MCUR1: variants seen among roughly 807,000 people sequenced by gnomAD.
MCUR1 encodes the protein mitochondrial calcium uniporter regulator 1.
A neutral mutation model predicts 42.0 loss-of-function variants in MCUR1; 37 were observed. That is an observed-to-expected ratio of 0.88 (90% CI 0.68 to 1.16). MCUR1 has a LOEUF of 1.16. Among genes scored for constraint, MCUR1 ranks in the 50% most tolerant of loss-of-function variants. The pLI, the probability that MCUR1 is intolerant of heterozygous loss-of-function variation, is 0.00. For synonymous variants in MCUR1, 229 were observed against 196.2 expected (o/e 1.17, Z -1.40); for missense variants, 469 against 468.4 (o/e 1.00, Z -0.01).
Position 13,787,511 on chromosome 6 carries a change from C to T in MCUR1, c.*3298G>A. 1 of 152,206 alleles carries T rather than the reference C, an allele frequency of 6.6e-6. No homozygotes were observed. 9.4% of individuals were successfully genotyped at this position (152,206 alleles called of 1,614,324 possible). On this transcript the variant is annotated 3_prime_UTR_variant, in exon 9 of 9. Coordinates refer to ENST00000379170, the MANE Select transcript of MCUR1 (RefSeq NM_001031713.4). ...TTTGCTTATTAATGTAGCAGGAGAG[C>T]ATGGAAATCGGAGTTCAGACTCTTT...
At position 13,788,801 on chromosome 6, in the gene MCUR1, A is replaced by C. The variant is rs999852461; in HGVS notation, c.*2008T>G. 3 of 152,204 alleles carry C rather than the reference A, an allele frequency of 2.0e-5. No individual in the cohort carries two copies. Among genetic ancestry groups the C allele is most frequent in the Non-Finnish European group, 2.9e-5 (2 of 68,044 alleles). The allele number at this position is 152,204 out of a possible 1,614,324, so 9.4% of individuals were successfully genotyped here. A position where few individuals can be genotyped will look rare whatever the true frequency, so the allele number is the denominator to read the frequency against. On this transcript the variant is annotated 3_prime_UTR_variant, in exon 9 of 9. Transcript: ENST00000379170. ...ATTAAATTATAATATTTCACTTTGA[A>C]ACTGCTATTGCTCATGCAAAAGTAC...
Position 13,790,051 on chromosome 6 carries a change from A to G in MCUR1, c.*758T>C, listed in dbSNP as rs1759695076. 6.6e-6 allele frequency: 1 copy of G among 152,238 alleles called. No homozygotes were observed. Among genetic ancestry groups the G allele is most frequent in the Admixed American group, 6.5e-5 (1 of 15,286 alleles). The allele number at this position is 152,238 out of a possible 1,614,324, so 9.4% of individuals were successfully genotyped here. On this transcript the variant is annotated 3_prime_UTR_variant, in exon 9 of 9. Transcript: ENST00000379170. ...GAAACAATACTATGGTACAGGGACT[A>G]GCTCATGTTAAAGACTGGTTATTTA...
rs1759910741 is a variant in MCUR1 at position 13,798,690 on chromosome 6, A to C, written c.855+143T>G. 1.0e-5 allele frequency: 5 copies of C among 476,576 alleles called. No individual in the cohort carries two copies. In the South Asian group the frequency reaches 3.2e-4, roughly 31 times the overall value. The allele number at this position is 476,576 out of a possible 1,614,324, so 29.5% of individuals were successfully genotyped here. On this transcript the variant is annotated intron_variant, in intron 6 of 8. Coordinates refer to ENST00000379170, the MANE Select transcript of MCUR1 (RefSeq NM_001031713.4). ...ATTTAAGTCTTAATCCAAAATTATTATAATAGAGAAAATACAGCCTAACAC... is the reference window on the plus strand; with the variant it reads ...ATTTAAGTCTTAATCCAAAATTATTCTAATAGAGAAAATACAGCCTAACAC...
chr6:13,814,407 C>T lies in MCUR1; in HGVS notation c.23G>A (p.Gly8Asp). MDCGSVGGQRTQRLPGRQ... is the reference protein window; with the variant it reads MDCGSVGDQRTQRLPGRQ... ...GCCGGGCAGGCGCTGGGTCCTCTGG[C>T]CGCCGACCGAGCCGCAGTCCATCCC... The change falls in exon 1 of 9, where the codon GGC (glycine) becomes GAC (aspartate). Residue 8 changes from glycine (G) to aspartate (D), a missense_variant. Physicochemically the swap from Gly to Asp is moderately conservative, Grantham distance 94. Transcript: ENST00000379170. 6.5e-7 allele frequency: 1 copy of T among 1,538,528 alleles called. No homozygotes were observed. The highest frequency in any genetic ancestry group is 8.7e-7 in the Non-Finnish European group (1 of 1,153,152).
rs773198097 is a variant in MCUR1 at position 13,801,387 on chromosome 6, T to C, written c.642A>G (p.Glu214=). The C allele has an allele frequency of 1.0e-4, 163 of 1,605,140 alleles. 2 individuals carry two copies. The South Asian group carries it at 1.8e-3, about 17-fold the overall frequency. The part of the protein sequence containing the change: ...YKDMVTKMQQ[E]ITFQQVMSQI... ...GAGACATTACTTGCTGAAAAGTGAT[T>C]TCCTAGGAAAAGAAAAACAAAACAC... The change falls in exon 4 of 9, where the codon GAA becomes GAG. Residue 214 remains glutamate (E), a splice_region_variant and synonymous_variant. Coordinates refer to ENST00000379170, the MANE Select transcript of MCUR1 (RefSeq NM_001031713.4).
Position 13,791,977 on chromosome 6 carries a change from G to T in MCUR1, c.925C>A (p.Arg309=). ...EIVALHAQQD[R]ALTQTDRKIE... ...TTCCTGTCTGTCTGGGTAAGGGCCC[G>T]ATCTTGCTGGGCATGCTTTTAAAAT... The change falls in exon 8 of 9, where the codon CGG becomes AGG. Residue 309 remains arginine (R), a synonymous_variant. Coordinates refer to ENST00000379170, the MANE Select transcript of MCUR1 (RefSeq NM_001031713.4). The T allele has an allele frequency of 6.2e-7, 1 of 1,613,768 alleles. No homozygotes were observed. The highest frequency in any genetic ancestry group is 1.1e-5 in the South Asian group (1 of 91,042).
chr6:13,808,653 A>G (rs1372518378), intron 1 of MCUR1, among the ~76,000 whole-genome samples: 1 of 152,198 alleles, frequency 6.6e-6, no homozygotes, highest in African/African-American at 2.4e-5. Context: ...TAGCTCTTAC[A>G]TTGAGGTCTT....
intron 5 of MCUR1, among the ~76,000 whole-genome samples, 192 bp from the exon 6 acceptor site, chr6:13,799,096 C>T (rs959927906): frequency 2.0e-5 from 3 of 152,174 alleles, no homozygotes; most frequent in Non-Finnish European, 4.4e-5. Context: ...GGCCAAGCCA[C>T]ATCTGGAGGC....
At chr6:13,804,129 T>C in intron 2 of MCUR1, 1 of 298,106 alleles carries the variant, frequency 3.4e-6, no homozygotes, top group South Asian at 5.3e-5. Context: ...GAGACCAGCC[T>C]GGCCAACATG....
At chr6:13,795,394 T>G (rs1423188715) in intron 6 of MCUR1, among the ~76,000 whole-genome samples, 6 of 152,224 alleles carry the variant, frequency 3.9e-5, no homozygotes. Context: ...GTTTTAAAAA[T>G]AACATCTATG....
chr6:13,791,453 C>T (rs1023637962), intron 8 of MCUR1, among the ~76,000 whole-genome samples: 1 of 152,138 alleles, frequency 6.6e-6, no homozygotes, highest in East Asian at 1.9e-4. Context: ...GGGGGTGGTA[C>T]ATGAATGTTC....
Position 13,790,873 on chromosome 6 carries a change from A to T in MCUR1, c.1025-9T>A, listed in dbSNP as rs973116236. The T allele has an allele frequency of 6.2e-7, 1 of 1,602,098 alleles. No individual in the cohort carries two copies. Among genetic ancestry groups the T allele is most frequent in the African/African-American group, 1.3e-5 (1 of 74,558 alleles). ...GCACGTAAATATAGACCCTGTAAGA[A>T]AAAAACAATTGAGAGTACTATTAGT... On this transcript the variant is annotated splice_polypyrimidine_tract_variant and intron_variant, in intron 8 of 8. Transcript: ENST00000379170.
intron 3 of MCUR1, 133 bp from the exon 4 acceptor site, chr6:13,801,522 T>C: frequency 3.2e-6 from 2 of 617,748 alleles, no homozygotes; most frequent in South Asian, 2.0e-5. Flanking sequence ...AGGGTCATCC[T>C]TTATTCCAAA....
chr6:13,803,474 T>C (rs557307934), intron 2 of MCUR1, among the ~76,000 whole-genome samples: 1 of 152,260 alleles, frequency 6.6e-6, no homozygotes, highest in Non-Finnish European at 1.5e-5. Context: ...TGCTTCCAGC[T>C]ATAAGAATTT....
chr6:13,808,835 T>C (rs1182839866), intron 1 of MCUR1, among the ~76,000 whole-genome samples: 2 of 152,224 alleles, frequency 1.3e-5, no homozygotes, highest in African/African-American at 4.8e-5. Flanking sequence ...GGGCTCTCCA[T>C]TCTAATGCAT....
chr6:13,809,334 T>C (rs924447478), intron 1 of MCUR1, among the ~76,000 whole-genome samples: 8 of 152,250 alleles, frequency 5.3e-5, no homozygotes, highest in Non-Finnish European at 1.2e-4. Context: ...TTTGGCTTGC[T>C]AGTATTTTGT....
chr6:13,814,077 G>A lies in MCUR1; in HGVS notation c.353C>T (p.Ala118Val). 8.1e-7 allele frequency: 1 copy of A among 1,238,700 alleles called. No individual in the cohort carries two copies. The highest frequency in any genetic ancestry group is 1.0e-6 in the Non-Finnish European group (1 of 993,446). 76.7% of individuals were successfully genotyped at this position (1,238,700 alleles called of 1,614,324 possible). ...GTACTGGGGAAGGGCGCCGGCGGCA[G>A]CGGCGACGCCCGGTGAGCACCTCCA... ...SAWRCSPGVA[A>V]AAGALPQYHG... Residue 118 changes from alanine to valine, a missense_variant, in exon 1 of 9, where the codon GCT becomes GTT. Ala to Val is a moderately conservative substitution (Grantham distance 64). Transcript: ENST00000379170.
chr6:13,801,223 T>C, intron 4 of MCUR1, 65 bp downstream of exon 4: 2 of 1,048,972 alleles, frequency 1.9e-6, no homozygotes, highest in Non-Finnish European at 2.9e-6. Context: ...CTCTTTTATG[T>C]GTATATAATT....
At chr6:13,800,983 A>G (rs1759975912) in intron 4 of MCUR1, among the ~76,000 whole-genome samples, 1 of 152,248 alleles carries the variant, frequency 6.6e-6, no homozygotes, top group Non-Finnish European at 1.5e-5. Flanking sequence ...ACTATAGACA[A>G]TGAAAAAAAT....
Sources: allele counts gnomAD v4.1 joint callset (sites outside exome capture counted in the v4.1 genomes callset), GRCh38; gene constraint gnomAD v4.1.1; transcripts MANE v1.5; gene names NCBI Gene and HGNC (gene_info 2026-07-23, HGNC 2026-07-21).